MTUS2: variants seen among roughly 807,000 people sequenced by gnomAD.
The protein encoded by MTUS2 is microtubule-associated tumor suppressor candidate 2.
MTUS2 carries 40 observed loss-of-function variants against 114.1 expected under a neutral mutation model. The ratio of observed to expected loss-of-function variants is 0.35; its 90% CI spans 0.27 to 0.46. The LOEUF (loss-of-function observed/expected upper bound fraction) is 0.46. Among genes scored for constraint, MTUS2 ranks in the 20% least tolerant of loss-of-function variants. The pLI, the probability that MTUS2 is intolerant of heterozygous loss-of-function variation, is 1.00. For missense variants in MTUS2, 1,679 were observed against 1,705.4 expected (o/e 0.98, Z 0.27); for synonymous variants, 688 against 672.0 (o/e 1.02, Z -0.37).
chr13:29,210,330 T>C (rs1243684400), intron 5 of MTUS2, among the ~76,000 whole-genome samples: 1 of 152,134 alleles, frequency 6.6e-6, no homozygotes, highest in East Asian at 1.9e-4. Flanking sequence ...TTTTCATCCA[T>C]GTTCTGTAAC....
intron 5 of MTUS2, among the ~76,000 whole-genome samples, chr13:29,222,411 G>C (rs914972766): frequency 6.6e-6 from 1 of 152,088 alleles, no homozygotes; most frequent in African/African-American, 2.4e-5. Flanking sequence ...ATGAATTTTA[G>C]GATTAATTTG....
chr13:29,020,527 T>C (rs1328311930), intron 2 of MTUS2, among the ~76,000 whole-genome samples: 3 of 152,132 alleles, frequency 2.0e-5, no homozygotes, highest in Non-Finnish European at 4.4e-5. Flanking sequence ...TGAGGCCACA[T>C]AAGGAGGAGG....
At chr13:29,311,615 G>T (rs962187780) in intron 6 of MTUS2, among the ~76,000 whole-genome samples, 2 of 152,114 alleles carry the variant, frequency 1.3e-5, no homozygotes, top group African/African-American at 4.8e-5. Flanking sequence ...TAATACTTAT[G>T]TACCTTGGAT....
At chr13:29,417,931 G>C (rs918176897) in intron 8 of MTUS2, among the ~76,000 whole-genome samples, 3 of 152,070 alleles carry the variant, frequency 2.0e-5, no homozygotes, top group African/African-American at 7.2e-5. Context: ...TCCTAATTTG[G>C]TGCCTTTTGT....
At chr13:28,856,469 C>T (rs1876636110) in intron 2 of MTUS2, among the ~76,000 whole-genome samples, 1 of 152,114 alleles carries the variant, frequency 6.6e-6, no homozygotes, top group African/African-American at 2.4e-5. Context: ...GAGGGCCTGG[C>T]GCTTGGCTGA....
chr13:29,005,898 G>C (rs113917483), intron 2 of MTUS2, among the ~76,000 whole-genome samples: 1 of 152,202 alleles, frequency 6.6e-6, no homozygotes, highest in African/African-American at 2.4e-5. Flanking sequence ...TAGTATTGCC[G>C]TTTGAGTTTT....
intron 2 of MTUS2, among the ~76,000 whole-genome samples, chr13:28,997,442 C>G (rs1390628087): frequency 6.6e-6 from 1 of 152,108 alleles, no homozygotes; most frequent in Admixed American, 6.5e-5. Context: ...TCCTGGATAT[C>G]CTTGTTAACT....
intron 8 of MTUS2, among the ~76,000 whole-genome samples, chr13:29,436,971 C>A (rs971318074): frequency 6.6e-6 from 1 of 152,176 alleles, no homozygotes; most frequent in Admixed American, 6.5e-5. Flanking sequence ...CATCAGCAGT[C>A]TCCCTCATAG....
At position 29,234,868 on chromosome 13, in the gene MTUS2, T is replaced by TA. The variant is rs1896473399; in HGVS notation, c.2645-46835dup. 2.0e-5 allele frequency among the ~76,000 whole-genome samples: 3 copies of TA among 152,244 alleles called. No individual in the cohort carries two copies. The South Asian group carries it at 6.2e-4, about 32-fold the overall frequency. On this transcript the variant is annotated intron_variant, in intron 5 of 15. Coordinates refer to ENST00000612955, the MANE Select transcript of MTUS2 (RefSeq NM_001033602.4). ...AAAATAGGAGTTACCACTTTTTTTT[T>TA]ATTAGTCTCTTATGTTTTCAGTTAA... is the stretch of plus-strand genomic sequence containing the variant.
At chr13:28,949,286 C>T (rs1882691745) in intron 2 of MTUS2, among the ~76,000 whole-genome samples, 1 of 151,716 alleles carries the variant, frequency 6.6e-6, no homozygotes, top group Non-Finnish European at 1.5e-5. Flanking sequence ...AGCTAGTTTA[C>T]CCTGAATGGT....
intron 8 of MTUS2, among the ~76,000 whole-genome samples, chr13:29,412,482 C>T (rs748672164): frequency 6.6e-6 from 1 of 152,102 alleles, no homozygotes; most frequent in Non-Finnish European, 1.5e-5. Flanking sequence ...ATTATACAGT[C>T]GTTTGCATCT....
At chr13:28,999,788 C>G (rs1885300667) in intron 2 of MTUS2, among the ~76,000 whole-genome samples, 1 of 152,206 alleles carries the variant, frequency 6.6e-6, no homozygotes, top group Admixed American at 6.5e-5. Flanking sequence ...CCATCCCCCG[C>G]CAGCCTCTGG....
At chr13:29,146,776 C>T (rs1161111837) in intron 5 of MTUS2, among the ~76,000 whole-genome samples, 1 of 152,090 alleles carries the variant, frequency 6.6e-6, no homozygotes, top group African/African-American at 2.4e-5. Context: ...CCTACATAGA[C>T]CTGAGTTAAC....
Position 29,153,404 on chromosome 13 carries a change from G to A in MTUS2, c.2644+52434G>A, listed in dbSNP as rs138244991. ...CGAATTCTACTCTCTCCTTCTCCTG[G>A]CTGCCTGGCACAACCCCTCCTCTGC... On this transcript the variant is annotated intron_variant, in intron 5 of 15. Transcript: ENST00000612955. Among the ~76,000 whole-genome samples, 213 of 152,218 alleles carry A rather than the reference G, an allele frequency of 1.4e-3. 1 individual carries two copies. The highest frequency in any genetic ancestry group is 4.9e-3 in the African/African-American group (203 of 41,540).
chr13:28,930,475 A>G (rs1486973242), intron 2 of MTUS2, among the ~76,000 whole-genome samples: 1 of 152,090 alleles, frequency 6.6e-6, no homozygotes, highest in Non-Finnish European at 1.5e-5. Flanking sequence ...CCTCCATAGC[A>G]CTTCTGTTTC....
chr13:29,383,788 G>T (rs1221860058), intron 8 of MTUS2, among the ~76,000 whole-genome samples: 1 of 152,198 alleles, frequency 6.6e-6, no homozygotes, highest in Non-Finnish European at 1.5e-5. Context: ...TGGAAAAGGA[G>T]ATGCGGCACC....
chr13:29,346,216 G>A (rs113523449), intron 7 of MTUS2, among the ~76,000 whole-genome samples: 11,467 of 152,056 alleles, frequency 0.075, 1,444 homozygotes, highest in African/African-American at 0.26. Context: ...TGCCACCTGG[G>A]TGGTAAGTAT....
At chr13:29,106,513 C>G (rs570547235) in intron 5 of MTUS2, among the ~76,000 whole-genome samples, 1 of 152,228 alleles carries the variant, frequency 6.6e-6, no homozygotes, top group East Asian at 1.9e-4. Flanking sequence ...CATGTGCTAC[C>G]ACACCTAGCT....
intron 2 of MTUS2, among the ~76,000 whole-genome samples, chr13:28,889,067 C>T (rs769197308): frequency 3.3e-5 from 5 of 152,142 alleles, no homozygotes; most frequent in African/African-American, 7.2e-5. Context: ...TAGCATTTAC[C>T]GAGGGTGCTT....
Sources: allele counts gnomAD v4.1 joint callset (sites outside exome capture counted in the v4.1 genomes callset), GRCh38; gene constraint gnomAD v4.1.1; transcripts MANE v1.5; gene names NCBI Gene and HGNC (gene_info 2026-07-23, HGNC 2026-07-21).